The following NRG3 variants were observed in gnomAD, a reference collection of about 807,000 sequenced individuals.
The protein encoded by NRG3 is neuregulin 3, also known as pro-neuregulin-3, membrane-bound isoform.
In NRG3, 31 loss-of-function variants were observed where a neutral mutation model predicts 66.9. The observed-to-expected ratio is 0.46, with a 90% CI of 0.35 to 0.63. NRG3 has a LOEUF of 0.63. NRG3 is among the 20% of genes least tolerant of loss of function. The pLI is 0.00. For missense variants in NRG3, 910 were observed against 878.9 expected (o/e 1.04, Z -0.45); for synonymous variants, 393 against 359.4 (o/e 1.09, Z -1.06).
chr10:82,099,446 ATATGGTAGCTTTTAC>A (rs776248021), intron 1 of NRG3, among the ~76,000 whole-genome samples: 2 of 152,134 alleles, frequency 1.3e-5, no homozygotes, highest in African/African-American at 4.8e-5. Flanking sequence ...CATTGTCTTA[ATATGGTAGCTTTTAC>A]TATGGTAGCT....
chr10:82,976,004 A>C (rs960018397), intron 7 of NRG3, among the ~76,000 whole-genome samples: 1 of 152,196 alleles, frequency 6.6e-6, no homozygotes, highest in African/African-American at 2.4e-5. Context: ...CTATTACGGC[A>C]TGTCATATTT....
intron 2 of NRG3, among the ~76,000 whole-genome samples, chr10:82,370,863 T>G (rs546358343): frequency 1.3e-5 from 2 of 152,208 alleles, no homozygotes; most frequent in South Asian, 4.1e-4. Context: ...AATATGTTTA[T>G]TTTTTTAATG....
intron 3 of NRG3, chr10:82,827,248 T>C: frequency 3.2e-6 from 1 of 312,198 alleles, no homozygotes; most frequent in Non-Finnish European, 6.1e-6. Context: ...TAACGTAGAT[T>C]AAAAATCTAA....
intron 1 of NRG3, among the ~76,000 whole-genome samples, chr10:82,153,789 T>C (rs147645882): frequency 6.6e-6 from 1 of 152,264 alleles, no homozygotes; most frequent in East Asian, 1.9e-4. Flanking sequence ...ATGTTGGTTT[T>C]AATTTGTATT....
chr10:82,805,354 A>T (rs1022079113), intron 3 of NRG3, among the ~76,000 whole-genome samples: 2 of 152,200 alleles, frequency 1.3e-5, no homozygotes, highest in Non-Finnish European at 2.9e-5. Flanking sequence ...ACTTTCATTT[A>T]AACGTGAATG....
intron 2 of NRG3, among the ~76,000 whole-genome samples, chr10:82,486,926 C>G (rs2132204515): frequency 6.6e-6 from 1 of 152,020 alleles, no homozygotes; most frequent in African/African-American, 2.4e-5. Context: ...CTGGGAAGGG[C>G]TGATCAGAGT....
chr10:82,744,350 T>G (rs1456807159), intron 3 of NRG3, among the ~76,000 whole-genome samples: 2 of 152,186 alleles, frequency 1.3e-5, no homozygotes, highest in African/African-American at 4.8e-5. Flanking sequence ...GAAGTCAAGA[T>G]CAAGGTGCTG....
In NRG3 at chr10:82,017,959, C is replaced by G. The variant is rs190127828; in HGVS notation, c.823+141796C>G. Among the ~76,000 whole-genome samples the G allele has an allele frequency of 2.0e-5, 3 of 148,996 alleles. No homozygotes were observed. In the South Asian group the frequency reaches 6.4e-4, roughly 32 times the overall value. On this transcript the variant is annotated intron_variant, in intron 1 of 8. Coordinates refer to ENST00000372141, the MANE Select transcript of NRG3 (RefSeq NM_001010848.4). Reference sequence around the variant, plus strand: ...TTTAGTTTAATTAGATCCCATTTGTCAATTGTGGCTTTTTTTGCCATAGCT... The same window carrying G: ...TTTAGTTTAATTAGATCCCATTTGTGAATTGTGGCTTTTTTTGCCATAGCT...
chr10:82,479,924 C>T lies in NRG3; in HGVS notation c.953+121056C>T, dbSNP rs1376147772. On this transcript the variant is annotated intron_variant, in intron 2 of 8. Coordinates refer to ENST00000372141, the MANE Select transcript of NRG3 (RefSeq NM_001010848.4). ...CGGAGTTTGCAGTGAGCCGAGATGG[C>T]GCCACTGCACTCCAGCCTGGGCTAC... Among the ~76,000 whole-genome samples, 11 of 152,232 alleles carry T rather than the reference C, an allele frequency of 7.2e-5. No individual in the cohort carries two copies. In the East Asian group the frequency reaches 9.7e-4, roughly 13 times the overall value.
rs183616681 is a variant in NRG3 at position 82,339,121 on chromosome 10, G to A, written c.824-19618G>A. ...TGTAATTGTTTTATAATCTGATTGC[G>A]TATCCCTAAGACCTGGATGTTTTCA... On this transcript the variant is annotated intron_variant, in intron 1 of 8. Transcript: ENST00000372141. 1.3e-3 allele frequency among the ~76,000 whole-genome samples: 205 copies of A among 152,290 alleles called. 2 individuals are homozygous for A. The highest frequency in any genetic ancestry group is 3.4e-3 in the Middle Eastern group (1 of 294).
intron 2 of NRG3, among the ~76,000 whole-genome samples, chr10:82,443,056 G>C (rs1468719294): frequency 3.3e-5 from 5 of 152,012 alleles, no homozygotes; most frequent in Non-Finnish European, 5.9e-5. Context: ...TTGGCATTTA[G>C]ATTTGAATCT....
chr10:82,898,320 C>T (rs979993929), intron 4 of NRG3, among the ~76,000 whole-genome samples: 18 of 152,180 alleles, frequency 1.2e-4, no homozygotes, highest in Admixed American at 1.2e-3. Flanking sequence ...ATCCTTCTCT[C>T]AGAGTCCAAC....
At chr10:82,587,115 A>G (rs2046721705) in intron 2 of NRG3, among the ~76,000 whole-genome samples, 2 of 152,116 alleles carry the variant, frequency 1.3e-5, no homozygotes, top group South Asian at 4.1e-4. Context: ...ATTCATGCTC[A>G]TTGTCTCACA....
intron 2 of NRG3, among the ~76,000 whole-genome samples, chr10:82,541,342 C>T (rs980308999): frequency 2.6e-5 from 4 of 152,164 alleles, no homozygotes; most frequent in South Asian, 4.1e-4. Context: ...AAGAACCCCT[C>T]GGACACCGAG....
rs1449236911 is a variant in NRG3 at position 82,359,030 on chromosome 10, C to A, written c.953+162C>A. On this transcript the variant is annotated intron_variant, in intron 2 of 8. Coordinates refer to ENST00000372141, the MANE Select transcript of NRG3 (RefSeq NM_001010848.4). ...TAATTTGGAAAGGGCAAGGCTGCTG[C>A]CTCTTTAACAGTGGAAGAAGACAAA... Among the ~76,000 whole-genome samples, 10 of 152,248 alleles carry A rather than the reference C, an allele frequency of 6.6e-5. No individual in the cohort carries two copies. In the South Asian group the frequency reaches 2.1e-3, roughly 32 times the overall value.
chr10:82,463,189 G>T (rs1335465191), intron 2 of NRG3, among the ~76,000 whole-genome samples: 1 of 152,166 alleles, frequency 6.6e-6, no homozygotes, highest in African/African-American at 2.4e-5. Flanking sequence ...TAGACAGATG[G>T]CAGGCGGTTA....
chr10:82,469,051 TC>T (rs1166794206), intron 2 of NRG3, among the ~76,000 whole-genome samples: 1 of 152,168 alleles, frequency 6.6e-6, no homozygotes, highest in Non-Finnish European at 1.5e-5. Flanking sequence ...ATGAATGAGC[TC>T]CCCTGAAGCT....
At chr10:82,556,540 C>G (rs2044666014) in intron 2 of NRG3, among the ~76,000 whole-genome samples, 1 of 151,816 alleles carries the variant, frequency 6.6e-6, no homozygotes, top group African/African-American at 2.4e-5. Flanking sequence ...TGGCATCTGC[C>G]CTTCTTCTCT....
chr10:81,927,514 A>C (rs1846921524), intron 1 of NRG3, among the ~76,000 whole-genome samples: 1 of 152,206 alleles, frequency 6.6e-6, no homozygotes, highest in Non-Finnish European at 1.5e-5. Context: ...AAATAGAACA[A>C]ATTAAGTTCA....
Sources: allele counts gnomAD v4.1 joint callset (sites outside exome capture counted in the v4.1 genomes callset), GRCh38; gene constraint gnomAD v4.1.1; transcripts MANE v1.5; gene names NCBI Gene and HGNC (gene_info 2026-07-23, HGNC 2026-07-21).